Variants in PRKN observed in about 807,000 individuals in gnomAD.
PRKN encodes the protein parkin RBR E3 ubiquitin protein ligase.
PRKN carries 56 observed loss-of-function variants against 59.5 expected under a neutral mutation model. The observed-to-expected ratio is 0.94, with a 90% CI of 0.76 to 1.18. The LOEUF is 1.18. PRKN is among the 50% of genes most tolerant of loss of function. The probability of loss-of-function intolerance (pLI) is 0.00; values close to 1 mark genes in which losing one functional copy is unlikely to be tolerated. For synonymous variants in PRKN, 250 were observed against 222.1 expected (o/e 1.13, Z -1.12); for missense variants, 657 against 596.4 (o/e 1.10, Z -1.06).
intron 6 of PRKN, among the ~76,000 whole-genome samples, chr6:161,800,021 A>T (rs934648997): frequency 6.6e-6 from 1 of 152,158 alleles, no homozygotes; most frequent in African/African-American, 2.4e-5. Flanking sequence ...TTTAAGACAT[A>T]CTCAGGAATT....
chr6:162,420,178 T>C (rs1303531988), intron 2 of PRKN, among the ~76,000 whole-genome samples: 1 of 151,090 alleles, frequency 6.6e-6, no homozygotes, highest in African/African-American at 2.4e-5. Context: ...TTGGGAGTGA[T>C]GGGCAACAGT....
chr6:162,118,315 G>A (rs1017303103), intron 4 of PRKN, among the ~76,000 whole-genome samples: 5 of 151,664 alleles, frequency 3.3e-5, no homozygotes, highest in Admixed American at 6.6e-5. Context: ...TGAGACAGGA[G>A]AATGGTTGTG....
At chr6:162,426,796 A>G (rs1228072356) in intron 2 of PRKN, among the ~76,000 whole-genome samples, 1 of 152,262 alleles carries the variant, frequency 6.6e-6, no homozygotes, top group East Asian at 1.9e-4. Context: ...AAAAATATTC[A>G]AGGCCACAAC....
chr6:162,136,274 C>T (rs938143400), intron 4 of PRKN, among the ~76,000 whole-genome samples: 14 of 152,044 alleles, frequency 9.2e-5, no homozygotes, highest in Admixed American at 6.6e-5. Flanking sequence ...ACTTCTTCCC[C>T]TTTAGTAGGA....
chr6:161,911,715 C>T (rs182960713), intron 6 of PRKN, among the ~76,000 whole-genome samples: 5 of 152,232 alleles, frequency 3.3e-5, no homozygotes, highest in African/African-American at 1.2e-4. Flanking sequence ...ATAAAAATGG[C>T]ACTTCAAACC....
intron 7 of PRKN, among the ~76,000 whole-genome samples, chr6:161,709,227 T>C (rs1786639577): frequency 6.6e-6 from 1 of 152,208 alleles, no homozygotes; most frequent in South Asian, 2.1e-4. Context: ...TTGCAATGTA[T>C]ATATGCTGCT....
At chr6:162,611,548 C>T (rs1369113016) in intron 1 of PRKN, among the ~76,000 whole-genome samples, 4 of 152,186 alleles carry the variant, frequency 2.6e-5, no homozygotes, top group Non-Finnish European at 5.9e-5. Context: ...CTAACCTACC[C>T]TACACTATCA....
At chr6:161,837,886 A>G (rs1324070222) in intron 6 of PRKN, among the ~76,000 whole-genome samples, 1 of 152,192 alleles carries the variant, frequency 6.6e-6, no homozygotes, top group Non-Finnish European at 1.5e-5. Flanking sequence ...AGTACAGATA[A>G]TCTTATTTAA....
At chr6:161,669,713 C>T (rs1784842247) in intron 7 of PRKN, among the ~76,000 whole-genome samples, 2 of 152,246 alleles carry the variant, frequency 1.3e-5, no homozygotes, top group South Asian at 4.1e-4. Flanking sequence ...ATGCTTTTAT[C>T]TGCTGCAGTG....
intron 5 of PRKN, among the ~76,000 whole-genome samples, chr6:162,009,866 G>A (rs1432497218): frequency 6.6e-6 from 1 of 151,696 alleles, no homozygotes; most frequent in Non-Finnish European, 1.5e-5. Flanking sequence ...AACCTCAGAG[G>A]TGGAGGTTGC....
At chr6:162,513,518 AAG>A (rs1562346416) in intron 1 of PRKN, among the ~76,000 whole-genome samples, 2 of 151,524 alleles carry the variant, frequency 1.3e-5, no homozygotes, top group Non-Finnish European at 1.5e-5. Flanking sequence ...GAAAGAAGGA[AAG>A]AGAGAGAGAA....
intron 6 of PRKN, among the ~76,000 whole-genome samples, chr6:161,808,838 G>A (rs1455383841): frequency 1.3e-5 from 2 of 151,992 alleles, no homozygotes; most frequent in African/African-American, 4.8e-5. Context: ...ATTTTGTTCT[G>A]TTTTGTTTTG....
chr6:161,434,907 C>T (rs1345815692), intron 9 of PRKN, among the ~76,000 whole-genome samples: 1 of 152,082 alleles, frequency 6.6e-6, no homozygotes, highest in African/African-American at 2.4e-5. Flanking sequence ...GGTAACGTAG[C>T]ATGTGTGTTT....
intron 4 of PRKN, among the ~76,000 whole-genome samples, chr6:162,064,061 T>C (rs532761822): frequency 5.3e-5 from 8 of 152,282 alleles, no homozygotes; most frequent in South Asian, 2.1e-4. Context: ...GGGTCTCACA[T>C]AGTGGCAGAC....
chr6:161,647,049 C>G (rs1480864648), intron 7 of PRKN, among the ~76,000 whole-genome samples: 2 of 152,278 alleles, frequency 1.3e-5, no homozygotes, highest in East Asian at 3.9e-4. Flanking sequence ...TGATATTTTT[C>G]TCTCTGAAGG....
At chr6:162,062,731 G>C (rs1183886632) in intron 4 of PRKN, among the ~76,000 whole-genome samples, 1 of 152,124 alleles carries the variant, frequency 6.6e-6, no homozygotes, top group Non-Finnish European at 1.5e-5. Context: ...TATTGTTTAC[G>C]CTTTCCAGTC....
intron 7 of PRKN, among the ~76,000 whole-genome samples, chr6:161,784,616 T>C (rs1205786772): frequency 6.6e-6 from 1 of 152,112 alleles, no homozygotes; most frequent in Non-Finnish European, 1.5e-5. Flanking sequence ...TTAGAAACAG[T>C]AACAAGTGAC....
At chr6:162,578,583 T>C (rs982209492) in intron 1 of PRKN, among the ~76,000 whole-genome samples, 1 of 152,296 alleles carries the variant, frequency 6.6e-6, no homozygotes, top group African/African-American at 2.4e-5. Context: ...AGTACAAGCA[T>C]GGAAAAGAGG....
rs1208467591 is a variant in PRKN at position 162,637,282 on chromosome 6, C to G, written c.7+90380G>C. Among the ~76,000 whole-genome samples the G allele has an allele frequency of 7.1e-5, 10 of 141,570 alleles. No individual in the cohort carries two copies. In the East Asian group the frequency reaches 1.1e-3, roughly 16 times the overall value. The allele number at this position is 141,570 out of a possible 152,430, so 92.9% of individuals were successfully genotyped here. On this transcript the variant is annotated intron_variant, in intron 1 of 11. Transcript: ENST00000366898. The stretch of plus-strand genomic sequence containing the variant: ...CCACCTCCTCCCACCCGCCCCCCCC[C>G]CCAAAAAAAAGCAGCAGCAAAATAA...
Sources: gnomAD v4.1 joint callset for allele counts (sites outside exome capture counted in the v4.1 genomes callset) on GRCh38, gnomAD v4.1.1 for gene constraint, MANE v1.5 for transcripts, NCBI Gene and HGNC (gene_info 2026-07-23, HGNC 2026-07-21) for gene names.